Variants in TNRC6B observed in about 807,000 individuals in gnomAD.
TNRC6B encodes the protein trinucleotide repeat containing adaptor 6B, also known as trinucleotide repeat-containing gene 6B protein.
A neutral mutation model predicts 203.6 loss-of-function variants in TNRC6B; 52 were observed. The observed-to-expected ratio is 0.26, with a 90% CI of 0.20 to 0.32. The LOEUF is 0.32. Ranked by LOEUF, TNRC6B falls within the 10% of genes least tolerant of loss-of-function variation. The probability of loss-of-function intolerance (pLI) is 1.00; values close to 1 mark genes in which losing one functional copy is unlikely to be tolerated. For synonymous variants in TNRC6B, 838 were observed against 845.7 expected, an observed-to-expected ratio of 0.99 and a Z score of 0.16; for missense variants, 1,923 against 2,286.2, an observed-to-expected ratio of 0.84 and a Z score of 3.24.
rs1032279465 is a variant in TNRC6B at position 40,329,769 on chromosome 22, T to G, written c.*6528T>G. 6.6e-6 allele frequency: 1 copy of G among 152,216 alleles called. No individual in the cohort carries two copies. The highest frequency in any genetic ancestry group is 2.4e-5 in the African/African-American group (1 of 41,466). 9.4% of individuals were successfully genotyped at this position (152,216 alleles called of 1,614,324 possible). A position where few individuals can be genotyped will look rare whatever the true frequency, so the allele number is the denominator to read the frequency against. On this transcript the variant is annotated 3_prime_UTR_variant, in exon 23 of 23. Coordinates refer to ENST00000454349, the MANE Select transcript of TNRC6B (RefSeq NM_001162501.2). ...TTGAGTAGTTTTTAAGCTGTCAGTC[T>G]CTTGTCATAACCTCCTACCGCCACC...
chr22:40,231,937 A>G (rs2069876522), intron 1 of TNRC6B, among the ~76,000 whole-genome samples: 1 of 152,178 alleles, frequency 6.6e-6, no homozygotes, highest in Non-Finnish European at 1.5e-5. Flanking sequence ...AGATCTAAGA[A>G]GGGTACCTCT....
At chr22:40,236,835 A>G (rs2069954565) in intron 1 of TNRC6B, among the ~76,000 whole-genome samples, 1 of 152,182 alleles carries the variant, frequency 6.6e-6, no homozygotes, top group Non-Finnish European at 1.5e-5. Context: ...ACATGCATAC[A>G]GCAACCATTG....
chr22:40,224,607 T>C (rs2069758724), intron 1 of TNRC6B, among the ~76,000 whole-genome samples: 1 of 152,244 alleles, frequency 6.6e-6, no homozygotes, highest in African/African-American at 2.4e-5. Context: ...TTATGGCTTC[T>C]GAGTTTGTAT....
At chr22:40,293,190 C>CTTTTTTTTTTTT (rs748230080) in intron 12 of TNRC6B, among the ~76,000 whole-genome samples, 3 of 79,448 alleles carry the variant, frequency 3.8e-5, no homozygotes, top group African/African-American at 4.8e-5. Context: ...ATATCCTTTT[C>CTTTTTTTTTTTT]TTTTTTTTTT....
At chr22:40,164,806 C>CAAA (rs2068904683) in intron 4 of TNRC6B, among the ~76,000 whole-genome samples, 1 of 139,342 alleles carries the variant, frequency 7.2e-6, no homozygotes, top group African/African-American at 2.7e-5. Context: ...CCTGAAATAG[C>CAAA]GTCTCACTCT....
chr22:40,206,000 C>G (rs2069472905), intron 1 of TNRC6B, among the ~76,000 whole-genome samples: 1 of 152,218 alleles, frequency 6.6e-6, no homozygotes, highest in Non-Finnish European at 1.5e-5. Flanking sequence ...GTTTCCAGAG[C>G]TGCCTCCTGG....
At chr22:40,154,262 G>C (rs1482159644) in intron 3 of TNRC6B, among the ~76,000 whole-genome samples, 1 of 151,906 alleles carries the variant, frequency 6.6e-6, no homozygotes. Context: ...AGGAGATCGA[G>C]ACCATCCTGG....
intron 9 of TNRC6B, among the ~76,000 whole-genome samples, chr22:40,279,242 C>T (rs2070692876): frequency 1.3e-5 from 2 of 152,140 alleles, no homozygotes; most frequent in African/African-American, 2.4e-5. Flanking sequence ...TGCTCTTGAT[C>T]ACCCTGAGGA....
intron 4 of TNRC6B, among the ~76,000 whole-genome samples, chr22:40,163,051 G>A (rs924527616): frequency 1.3e-5 from 2 of 152,000 alleles, no homozygotes; most frequent in Non-Finnish European, 2.9e-5. Context: ...TCTCAGAATC[G>A]TAATAAATTC....
intron 1 of TNRC6B, among the ~76,000 whole-genome samples, chr22:40,245,726 G>A (rs1017814183): frequency 1.3e-5 from 2 of 152,092 alleles, no homozygotes; most frequent in African/African-American, 2.4e-5. Context: ...GTGTGTGTGT[G>A]TGTGTTTGTG....
intron 1 of TNRC6B, among the ~76,000 whole-genome samples, chr22:40,218,312 CTT>C (rs1291555419): frequency 8.0e-6 from 1 of 125,130 alleles, no homozygotes; most frequent in Non-Finnish European, 1.7e-5. Context: ...TTTTTTTTTT[CTT>C]TTTTCTTTTC....
chr22:40,185,727 G>A (rs1477818077), intron 1 of TNRC6B, among the ~76,000 whole-genome samples: 2 of 152,168 alleles, frequency 1.3e-5, no homozygotes, highest in Non-Finnish European at 2.9e-5. Flanking sequence ...TTTGATGGCA[G>A]TGCAGTGAGA....
chr22:40,280,892 C>T (rs551797468), intron 10 of TNRC6B, among the ~76,000 whole-genome samples: 2 of 152,198 alleles, frequency 1.3e-5, no homozygotes, highest in South Asian at 4.1e-4. Context: ...ATGGACAGAA[C>T]GTGTTACTAA....
In TNRC6B at chr22:40,084,978, A is replaced by C. The variant is rs1263666059; in HGVS notation, c.-120-32077A>C. ...CAGGGCTAACCTGTGTAACCACTGG[A>C]ATATCGTGGCAAGGATGGTTTGTGA... is the stretch of plus-strand genomic sequence containing the variant. On this transcript the variant is annotated intron_variant, in intron 1 of 23. Transcript: ENST00000301923. Among the ~76,000 whole-genome samples, 7 of 152,264 alleles carry C rather than the reference A, an allele frequency of 4.6e-5. No individual in the cohort carries two copies. The East Asian group carries it at 1.3e-3, about 29-fold the overall frequency.
At chr22:40,106,739 A>C in intron 1 of TNRC6B, 1 of 769,922 alleles carries the variant, frequency 1.3e-6, no homozygotes, top group Non-Finnish European at 2.4e-6. Flanking sequence ...AAGAAGCTGC[A>C]ACACCTTTCG....
intron 15 of TNRC6B, among the ~76,000 whole-genome samples, chr22:40,307,956 C>T (rs1409904037): frequency 1.3e-5 from 2 of 152,078 alleles, no homozygotes; most frequent in African/African-American, 2.4e-5. Context: ...CACCACTCTC[C>T]GCCTCACTTC....
upstream of TNRC6B, among the ~76,000 whole-genome samples, chr22:40,174,747 C>T (rs1339087951): frequency 1.3e-5 from 2 of 151,572 alleles, no homozygotes; most frequent in African/African-American, 2.4e-5. Flanking sequence ...ATGGCGTGAA[C>T]CCGGGAGGCG....
At chr22:40,069,112 G>A (rs1274287469) in intron 1 of TNRC6B, among the ~76,000 whole-genome samples, 1 of 151,896 alleles carries the variant, frequency 6.6e-6, no homozygotes, top group Admixed American at 6.5e-5. Context: ...AAAGTTTTTT[G>A]TTTTTGAGAC....
chr22:40,308,337 C>A (rs966831878), intron 15 of TNRC6B, among the ~76,000 whole-genome samples, 175 bp from the exon 16 acceptor site: 2 of 152,218 alleles, frequency 1.3e-5, no homozygotes, highest in Non-Finnish European at 2.9e-5. Flanking sequence ...AGAGACATCA[C>A]TTATTTAGCG....
Sources: allele counts gnomAD v4.1 joint callset (sites outside exome capture counted in the v4.1 genomes callset), GRCh38; gene constraint gnomAD v4.1.1; transcripts MANE v1.5; gene names NCBI Gene and HGNC (gene_info 2026-07-23, HGNC 2026-07-21).